Variants in KCNIP4 observed in about 807,000 individuals in gnomAD.
The protein encoded by KCNIP4 is Kv channel-interacting protein 4.
KCNIP4 carries 12 observed loss-of-function variants against 34.0 expected under a neutral mutation model. The observed-to-expected ratio is 0.35, with a 90% confidence interval of 0.23 to 0.57. The LOEUF (loss-of-function observed/expected upper bound fraction) is 0.57, where lower values mean the gene tolerates loss of function less well. Among genes scored for constraint, KCNIP4 ranks in the 20% least tolerant of loss-of-function variants. The pLI is 0.83. For missense variants in KCNIP4, 238 were observed against 311.7 expected, an observed-to-expected ratio of 0.76 and a Z score of 1.78; for synonymous variants, 124 against 102.2, an observed-to-expected ratio of 1.21 and a Z score of -1.29.
At chr4:21,660,246 T>C (rs1748333446) in intron 1 of KCNIP4, among the ~76,000 whole-genome samples, 1 of 152,180 alleles carries the variant, frequency 6.6e-6, no homozygotes, top group Admixed American at 6.6e-5. Context: ...CTATAATACA[T>C]GAAAGGCAGA....
chr4:21,337,921 T>C (rs570839064), intron 1 of KCNIP4, among the ~76,000 whole-genome samples: 4 of 152,166 alleles, frequency 2.6e-5, no homozygotes, highest in African/African-American at 9.6e-5. Flanking sequence ...CCCGTGTAAG[T>C]GTCTTGTTTT....
intron 1 of KCNIP4, among the ~76,000 whole-genome samples, chr4:21,334,327 A>T (rs1715945115): frequency 6.6e-6 from 1 of 152,038 alleles, no homozygotes; most frequent in Admixed American, 6.6e-5. Flanking sequence ...ATCTCCAAAA[A>T]AATAATGTTA....
At chr4:21,329,846 C>T (rs1248275231) in intron 1 of KCNIP4, among the ~76,000 whole-genome samples, 2 of 152,048 alleles carry the variant, frequency 1.3e-5, no homozygotes, top group African/African-American at 4.8e-5. Flanking sequence ...TACTGTTATT[C>T]AATGGGGAAG....
intron 1 of KCNIP4, among the ~76,000 whole-genome samples, chr4:21,196,073 T>C (rs950653040): frequency 6.6e-6 from 1 of 152,208 alleles, no homozygotes; most frequent in African/African-American, 2.4e-5. Context: ...CATGGACTTC[T>C]TAAAGAATTT....
intron 1 of KCNIP4, among the ~76,000 whole-genome samples, chr4:21,927,474 T>A (rs2109003430): frequency 6.6e-6 from 1 of 152,176 alleles, no homozygotes; most frequent in Admixed American, 6.5e-5. Flanking sequence ...TACCAGGGAC[T>A]CAATGGAACC....
At chr4:20,746,297 TCA>T (rs915883517) in intron 5 of KCNIP4, among the ~76,000 whole-genome samples, 1 of 151,718 alleles carries the variant, frequency 6.6e-6, no homozygotes, top group African/African-American at 2.4e-5. Flanking sequence ...TTGCATGTTC[TCA>T]CTCATAGCTG....
intron 1 of KCNIP4, among the ~76,000 whole-genome samples, chr4:21,404,875 T>C (rs546431940): frequency 6.6e-6 from 1 of 152,336 alleles, no homozygotes; most frequent in East Asian, 1.9e-4. Context: ...GATAACTAAA[T>C]CTTTTTTAAT....
chr4:21,443,953 A>T (rs573933380), intron 1 of KCNIP4, among the ~76,000 whole-genome samples: 56 of 151,654 alleles, frequency 3.7e-4, no homozygotes, highest in African/African-American at 1.4e-3. Context: ...ATCACCACTG[A>T]TCCCACAGAA....
At chr4:21,275,285 A>G (rs1762375660) in intron 1 of KCNIP4, among the ~76,000 whole-genome samples, 1 of 152,170 alleles carries the variant, frequency 6.6e-6, no homozygotes, top group Non-Finnish European at 1.5e-5. Context: ...GTGCTCCTTT[A>G]TACCATGAGA....
At chr4:21,384,601 C>T (rs980058750) in intron 1 of KCNIP4, among the ~76,000 whole-genome samples, 1 of 152,198 alleles carries the variant, frequency 6.6e-6, no homozygotes, top group African/African-American at 2.4e-5. Context: ...AAGCCTGTGC[C>T]TGTAAGAACA....
intron 1 of KCNIP4, among the ~76,000 whole-genome samples, chr4:21,232,772 A>T (rs186481076): frequency 1.3e-5 from 2 of 152,318 alleles, no homozygotes; most frequent in Admixed American, 1.3e-4. Flanking sequence ...CAGAAGATGG[A>T]TAAGAAAGTA....
chr4:20,812,503 G>A (rs1715887586), intron 3 of KCNIP4, among the ~76,000 whole-genome samples: 1 of 152,134 alleles, frequency 6.6e-6, no homozygotes, highest in South Asian at 2.1e-4. Flanking sequence ...ATTTCACCAA[G>A]GGAAGAGTCC....
At chr4:20,748,906 A>G (rs1189337963) in intron 5 of KCNIP4, among the ~76,000 whole-genome samples, 37 of 149,726 alleles carry the variant, frequency 2.5e-4, no homozygotes, top group African/African-American at 7.8e-4. Context: ...ATATATATAT[A>G]TATATATATA....
At chr4:21,059,200 A>G (rs866670235) in intron 1 of KCNIP4, among the ~76,000 whole-genome samples, 6 of 152,106 alleles carry the variant, frequency 3.9e-5, no homozygotes, top group Non-Finnish European at 5.9e-5. Flanking sequence ...CTCTGACACC[A>G]CAGAACTCCC....
At chr4:21,838,469 T>G (rs1723479356) in intron 1 of KCNIP4, among the ~76,000 whole-genome samples, 1 of 152,202 alleles carries the variant, frequency 6.6e-6, no homozygotes, top group African/African-American at 2.4e-5. Context: ...TGGAGAACCT[T>G]TCCACCCCAG....
chr4:21,380,365 G>A (rs1721366106), intron 1 of KCNIP4, among the ~76,000 whole-genome samples: 1 of 146,798 alleles, frequency 6.8e-6, no homozygotes, highest in Non-Finnish European at 1.5e-5. Flanking sequence ...CAATTTTCCT[G>A]TCTTTTACCC....
chr4:21,519,614 GTGTA>G lies in KCNIP4; in HGVS notation c.61+428953_61+428956del, dbSNP rs1433848272. Reference sequence around the variant, plus strand: ...TATGTGTATATATACACATATGTGTGTGTATGTATGTGTATATACACAAATGTGT... The same window carrying G: ...TATGTGTATATATACACATATGTGTGTGTATGTGTATATACACAAATGTGT... On this transcript the variant is annotated intron_variant, in intron 1 of 8. Coordinates refer to ENST00000382152, the MANE Select transcript of KCNIP4 (RefSeq NM_025221.6). Among the ~76,000 whole-genome samples the G allele has an allele frequency of 2.2e-4, 26 of 119,508 alleles. 2 individuals carry two copies. Among genetic ancestry groups the G allele is most frequent in the Non-Finnish European group, 4.4e-4 (25 of 56,830 alleles). The allele number at this position is 119,508 out of a possible 152,430, so 78.4% of individuals were successfully genotyped here.
intron 3 of KCNIP4, among the ~76,000 whole-genome samples, chr4:20,803,908 G>A (rs754367516): frequency 6.6e-6 from 1 of 152,168 alleles, no homozygotes; most frequent in Non-Finnish European, 1.5e-5. Flanking sequence ...CTCTGATGTT[G>A]AGTCTGCCAT....
At chr4:21,548,953 G>A (rs1229771238) in intron 1 of KCNIP4, among the ~76,000 whole-genome samples, 5 of 151,854 alleles carry the variant, frequency 3.3e-5, no homozygotes, top group Non-Finnish European at 7.4e-5. Context: ...TCACTGTGGG[G>A]AATGACATAC....
Sources: allele counts gnomAD v4.1 joint callset (sites outside exome capture counted in the v4.1 genomes callset), GRCh38; gene constraint gnomAD v4.1.1; transcripts MANE v1.5; gene names NCBI Gene and HGNC (gene_info 2026-07-23, HGNC 2026-07-21).